Variants in LINGO2 observed in about 807,000 individuals in gnomAD.
The protein encoded by LINGO2 is leucine rich repeat and Ig domain containing 2, also known as leucine-rich repeat and immunoglobulin-like domain-containing nogo receptor-interacting protein 2.
A neutral mutation model predicts 30.6 loss-of-function variants in LINGO2; 14 were observed. The observed-to-expected ratio is 0.46, with a 90% CI of 0.30 to 0.72. The LOEUF (loss-of-function observed/expected upper bound fraction) is 0.72, where lower values mean the gene tolerates loss of function less well. Ranked by LOEUF, LINGO2 falls within the 30% of genes least tolerant of loss-of-function variation. The pLI is 0.07. For missense variants in LINGO2, 729 were observed against 751.7 expected (o/e 0.97, Z 0.35); for synonymous variants, 317 against 288.5 (o/e 1.10, Z -1.00).
intron 4 of LINGO2, among the ~76,000 whole-genome samples, chr9:28,044,167 G>C (rs1188950279): frequency 6.6e-6 from 1 of 152,072 alleles, no homozygotes; most frequent in Non-Finnish European, 1.5e-5. Context: ...TTGAAAGAAT[G>C]GCCTTTGTGA....
the LINGO2 span, among the ~76,000 whole-genome samples, chr9:28,936,675 AG>A: frequency 2.6e-5 from 4 of 152,200 alleles, no homozygotes; most frequent in African/African-American, 9.6e-5. Context: ...AAAGTTATCA[AG>A]GGTATTAATG....
At chr9:28,935,197 A>C in the LINGO2 span, among the ~76,000 whole-genome samples, 1 of 152,298 alleles carries the variant, frequency 6.6e-6, no homozygotes, top group East Asian at 1.9e-4. Context: ...AACAGGGTAT[A>C]TATCATGAAG....
the LINGO2 span, among the ~76,000 whole-genome samples, chr9:28,730,329 G>A: frequency 6.6e-6 from 1 of 152,130 alleles, no homozygotes; most frequent in Non-Finnish European, 1.5e-5. Flanking sequence ...TCTGTTTAGG[G>A]CTGTCATTGA....
intron 1 of LINGO2, among the ~76,000 whole-genome samples, chr9:28,646,829 C>T (rs1827864306): frequency 1.3e-5 from 2 of 152,042 alleles, no homozygotes. Context: ...TTCTTGACTG[C>T]ATATAATAAT....
chr9:29,066,873 A>G, the LINGO2 span, among the ~76,000 whole-genome samples: 3 of 151,836 alleles, frequency 2.0e-5, no homozygotes, highest in Admixed American at 6.6e-5. Context: ...TAGCTTCTCA[A>G]TCAGATCCCC....
intron 4 of LINGO2, among the ~76,000 whole-genome samples, chr9:28,255,772 T>C (rs542948772): frequency 6.6e-6 from 1 of 152,208 alleles, no homozygotes; most frequent in Non-Finnish European, 1.5e-5. Context: ...CTTGAGGTAA[T>C]AATAACTAAA....
the LINGO2 span, among the ~76,000 whole-genome samples, chr9:28,856,803 T>C: frequency 6.6e-6 from 1 of 151,944 alleles, no homozygotes; most frequent in Admixed American, 6.6e-5. Context: ...GACAGACCAC[T>C]TAGAAGGGTA....
chr9:28,622,545 G>A (rs953281182), intron 1 of LINGO2, among the ~76,000 whole-genome samples: 2 of 151,860 alleles, frequency 1.3e-5, no homozygotes, highest in Non-Finnish European at 2.9e-5. Context: ...ATTTGTAACT[G>A]AATAGTGCTC....
At chr9:28,307,535 T>A (rs1824419474) in intron 3 of LINGO2, among the ~76,000 whole-genome samples, 3 of 152,264 alleles carry the variant, frequency 2.0e-5, no homozygotes, top group East Asian at 3.9e-4. Context: ...AGGGATGCCC[T>A]CTCTCACCAC....
the LINGO2 span, among the ~76,000 whole-genome samples, chr9:28,931,237 ACGTGAAAAC>A: frequency 6.6e-6 from 1 of 152,236 alleles, no homozygotes; most frequent in Non-Finnish European, 1.5e-5. Context: ...AGTTTTGAGT[ACGTGAAAAC>A]CCTAAACAGC....
chr9:28,357,808 T>C (rs1820288105), intron 3 of LINGO2, among the ~76,000 whole-genome samples: 1 of 152,120 alleles, frequency 6.6e-6, no homozygotes, highest in South Asian at 2.1e-4. Context: ...TCATGGAGCA[T>C]TAATTCTACA....
the LINGO2 span, among the ~76,000 whole-genome samples, chr9:28,964,619 C>A: frequency 5.9e-5 from 9 of 151,756 alleles, no homozygotes; most frequent in African/African-American, 2.2e-4. Context: ...TTAAACAGAT[C>A]ATTGTAGAGA....
chr9:28,451,915 T>C (rs1824662461), intron 2 of LINGO2, among the ~76,000 whole-genome samples: 2 of 151,812 alleles, frequency 1.3e-5, no homozygotes, highest in Admixed American at 1.3e-4. Flanking sequence ...ACTGTAAAAA[T>C]GTAAAATTTT....
At chr9:28,657,641 T>C (rs1828409535) in intron 1 of LINGO2, among the ~76,000 whole-genome samples, 1 of 152,076 alleles carries the variant, frequency 6.6e-6, no homozygotes, top group African/African-American at 2.4e-5. Flanking sequence ...GAATCTTCTT[T>C]TCTTCCCTTA....
At chr9:29,029,312 T>C in the LINGO2 span, among the ~76,000 whole-genome samples, 1,053 of 152,284 alleles carry the variant, frequency 6.9e-3, 6 homozygotes, top group Non-Finnish European at 0.011. Context: ...TCTAATATTG[T>C]AGTAATAATG....
chr9:28,309,914 A>C (rs1032983091), intron 3 of LINGO2, among the ~76,000 whole-genome samples: 2 of 152,144 alleles, frequency 1.3e-5, no homozygotes, highest in Admixed American at 1.3e-4. Context: ...AATGATGCTC[A>C]ATGTGATTAG....
chr9:28,926,862 CCCACCTTTTCATGG>C, the LINGO2 span, among the ~76,000 whole-genome samples: 1 of 152,100 alleles, frequency 6.6e-6, no homozygotes, highest in African/African-American at 2.4e-5. Context: ...ACACTCCCTG[CCCACCTTTTCATGG>C]CTGTCTTCTC....
chr9:28,246,145 G>A lies in LINGO2; in HGVS notation c.-87+49063C>T, dbSNP rs112041211. Among the ~76,000 whole-genome samples the A allele has an allele frequency of 7.1e-3, 1,080 of 152,064 alleles. 12 individuals are homozygous for A. Among genetic ancestry groups the A allele is most frequent in the South Asian group, 0.033 (157 of 4,824 alleles). ...AGAGACCTCAGAAATAAGACCACAT[G>A]CCAGGCACGGTGGCTCATGCCTGTA... On this transcript the variant is annotated intron_variant, in intron 4 of 5. Transcript: ENST00000379992.
chr9:28,997,550 G>A, the LINGO2 span, among the ~76,000 whole-genome samples: 1 of 152,010 alleles, frequency 6.6e-6, no homozygotes, highest in Non-Finnish European at 1.5e-5. Flanking sequence ...TTGGCCGGGT[G>A]CAGTGGCTCA....
Sources: allele counts gnomAD v4.1 joint callset (sites outside exome capture counted in the v4.1 genomes callset), GRCh38; gene constraint gnomAD v4.1.1; transcripts MANE v1.5; gene names NCBI Gene and HGNC (gene_info 2026-07-23, HGNC 2026-07-21).